Variants in NSRP1 observed in about 807,000 individuals in gnomAD.
The protein encoded by NSRP1 is nuclear speckle splicing regulatory protein 1.
Under a neutral mutation model 54.7 loss-of-function variants are expected in NSRP1, and 24 were observed. The observed-to-expected ratio is 0.44, with a 90% CI of 0.32 to 0.62. The LOEUF (loss-of-function observed/expected upper bound fraction) is 0.62. Ranked by LOEUF, NSRP1 falls within the 20% of genes least tolerant of loss-of-function variation. The pLI is 0.06. For missense variants in NSRP1, 596 were observed against 651.2 expected (o/e 0.92, Z 0.92); for synonymous variants, 210 against 213.8 (o/e 0.98, Z 0.15).
At chr17:30,125,125 G>A (rs567858188) in intron 2 of NSRP1, among the ~76,000 whole-genome samples, 2 of 152,216 alleles carry the variant, frequency 1.3e-5, no homozygotes, top group African/African-American at 4.8e-5. Flanking sequence ...GAACCCTGGA[G>A]GCAGAGGTTG....
chr17:30,164,093 C>CT (rs1443925594), intron 2 of NSRP1, among the ~76,000 whole-genome samples: 6 of 152,036 alleles, frequency 3.9e-5, no homozygotes, highest in Admixed American at 1.3e-4. Context: ...ACTTTCTTCC[C>CT]TTTTTTGTGG....
Position 30,185,300 on chromosome 17 carries a change from A to G in NSRP1, c.1303A>G (p.Arg435Gly), listed in dbSNP as rs751832321. ...AAGATATGAAAATAATGATAAATACAGAGATAGAGAAAAACGAGAGGTAGG... is the reference window on the plus strand; with the variant it reads ...AAGATATGAAAATAATGATAAATACGGAGATAGAGAAAAACGAGAGGTAGG... ...KERYENNDKYRDREKREVGVQ... is the reference protein window; with the variant it reads ...KERYENNDKYGDREKREVGVQ... The change falls in exon 7 of 7, where the codon AGA becomes GGA. Residue 435 changes from arginine to glycine, a missense_variant. Coordinates refer to ENST00000247026, the MANE Select transcript of NSRP1 (RefSeq NM_032141.4). 19 of 1,605,238 alleles carry G rather than the reference A, an allele frequency of 1.2e-5. No individual in the cohort carries two copies. Among genetic ancestry groups the G allele is most frequent in the Non-Finnish European group, 1.6e-5 (19 of 1,177,726 alleles).
chr17:30,169,945 A>C (rs568847593), intron 2 of NSRP1, among the ~76,000 whole-genome samples: 1 of 151,906 alleles, frequency 6.6e-6, no homozygotes, highest in East Asian at 1.9e-4. Flanking sequence ...TTTTGTGTAC[A>C]TATATATATT....
chr17:30,138,542 G>A (rs975594605), intron 2 of NSRP1, among the ~76,000 whole-genome samples: 2 of 152,038 alleles, frequency 1.3e-5, no homozygotes, highest in African/African-American at 2.4e-5. Flanking sequence ...ATACTCTATT[G>A]TTTAGGGAAT....
chr17:30,153,401 T>C (rs545815539), intron 2 of NSRP1, among the ~76,000 whole-genome samples: 1 of 152,324 alleles, frequency 6.6e-6, no homozygotes, highest in Admixed American at 6.5e-5. Context: ...AAAATTTTGG[T>C]CATTATCCCA....
chr17:30,129,782 G>T (rs952669816), intron 2 of NSRP1, among the ~76,000 whole-genome samples: 15 of 152,132 alleles, frequency 9.9e-5, no homozygotes, highest in Admixed American at 8.5e-4. Flanking sequence ...CAAATAAAAA[G>T]ACAGTTGTAC....
intron 5 of NSRP1, 62 bp from the exon 6 acceptor site, chr17:30,180,846 G>T: frequency 9.4e-7 from 1 of 1,063,098 alleles, no homozygotes; most frequent in South Asian, 1.3e-5. Context: ...CTGTATGTCT[G>T]TAAAATGAAA....
chr17:30,184,167 A>T (rs1383714144), intron 6 of NSRP1, among the ~76,000 whole-genome samples: 1 of 152,226 alleles, frequency 6.6e-6, no homozygotes, highest in South Asian at 2.1e-4. Context: ...GTGCCACTGC[A>T]CTCCAGCCTG....
chr17:30,163,700 T>G (rs1376998563), intron 2 of NSRP1, among the ~76,000 whole-genome samples: 1 of 145,722 alleles, frequency 6.9e-6, no homozygotes, highest in African/African-American at 2.7e-5. Context: ...TTTTTTTTTT[T>G]TGAGATAGTC....
At chr17:30,172,702 A>G (rs1904996826) in intron 3 of NSRP1, 104 bp downstream of exon 3, 2 of 810,654 alleles carry the variant, frequency 2.5e-6, no homozygotes, top group Non-Finnish European at 1.9e-6. Flanking sequence ...GAATAGATTT[A>G]AGGAAAAACA....
At chr17:30,134,938 A>G (rs2071735300) in intron 2 of NSRP1, among the ~76,000 whole-genome samples, 1 of 152,156 alleles carries the variant, frequency 6.6e-6, no homozygotes, top group Non-Finnish European at 1.5e-5. Flanking sequence ...TGACCTAGGA[A>G]TATTTTGAGG....
chr17:30,162,299 G>A (rs1011150746), intron 2 of NSRP1, among the ~76,000 whole-genome samples: 3 of 152,088 alleles, frequency 2.0e-5, no homozygotes, highest in African/African-American at 4.8e-5. Context: ...CAAAGTGCTG[G>A]GATTACAGGC....
chr17:30,149,162 C>T (rs1314418412), intron 2 of NSRP1, among the ~76,000 whole-genome samples: 1 of 152,118 alleles, frequency 6.6e-6, no homozygotes, highest in African/African-American at 2.4e-5. Flanking sequence ...TTTTGACATA[C>T]AGGTTTGGTT....
chr17:30,175,032 T>G (rs908951297), intron 3 of NSRP1, among the ~76,000 whole-genome samples: 1 of 152,234 alleles, frequency 6.6e-6, no homozygotes, highest in Admixed American at 6.5e-5. Context: ...AATATGATAC[T>G]ATATACATTT....
chr17:30,142,867 G>A (rs752628412), intron 2 of NSRP1, among the ~76,000 whole-genome samples: 6 of 151,990 alleles, frequency 3.9e-5, no homozygotes, highest in East Asian at 1.9e-4. Flanking sequence ...CATTCACTAC[G>A]TACCATTATA....
chr17:30,142,414 C>T (rs2071813846), intron 2 of NSRP1, among the ~76,000 whole-genome samples: 1 of 151,788 alleles, frequency 6.6e-6, no homozygotes, highest in Non-Finnish European at 1.5e-5. Flanking sequence ...CAGCCTCGAA[C>T]TCCTGGGCTC....
At chr17:30,169,698 C>A (rs1904856276) in intron 2 of NSRP1, among the ~76,000 whole-genome samples, 1 of 151,938 alleles carries the variant, frequency 6.6e-6, no homozygotes, top group Non-Finnish European at 1.5e-5. Flanking sequence ...CAACATCTTT[C>A]CCCCAGTTAG....
At chr17:30,137,020 G>A (rs1218414979) in intron 2 of NSRP1, among the ~76,000 whole-genome samples, 2 of 152,044 alleles carry the variant, frequency 1.3e-5, no homozygotes, top group Non-Finnish European at 2.9e-5. Flanking sequence ...ACCTGAAAAT[G>A]ATTTTAATAC....
intron 5 of NSRP1, among the ~76,000 whole-genome samples, chr17:30,179,662 T>C (rs1905237104): frequency 6.6e-6 from 1 of 152,122 alleles, no homozygotes; most frequent in African/African-American, 2.4e-5. Flanking sequence ...TTACATTTTT[T>C]TGGGATGAGA....
Sources: allele counts gnomAD v4.1 joint callset (sites outside exome capture counted in the v4.1 genomes callset), GRCh38; gene constraint gnomAD v4.1.1; transcripts MANE v1.5; gene names NCBI Gene and HGNC (gene_info 2026-07-23, HGNC 2026-07-21).